CETN3: variants seen among roughly 807,000 people sequenced by gnomAD.
CETN3 encodes the protein centrin 3.
A neutral mutation model predicts 20.1 loss-of-function variants in CETN3; 17 were observed. The ratio of observed to expected loss-of-function variants is 0.85; its 90% CI spans 0.58 to 1.27. CETN3 has a LOEUF of 1.27. CETN3 is among the 50% of genes most tolerant of loss of function. The pLI is 0.00. For synonymous variants in CETN3, 52 were observed against 59.7 expected (o/e 0.87, Z 0.59); for missense variants, 169 against 191.2 (o/e 0.88, Z 0.69).
rs1749050440 is a variant in CETN3 at position 90,392,874 on chromosome 5, C to G, written c.*1190G>C. On this transcript the variant is annotated 3_prime_UTR_variant, in exon 5 of 5. Coordinates refer to ENST00000283122, the MANE Select transcript of CETN3 (RefSeq NM_004365.4). ...TCCCTACTGATTTTGTGTTAAATTT[C>G]TAGTGGACAACCCTTAATGTAATAC... is the stretch of plus-strand genomic sequence containing the variant. 6.6e-6 allele frequency: 1 copy of G among 152,148 alleles called. No individual in the cohort carries two copies. Among genetic ancestry groups the G allele is most frequent in the Non-Finnish European group, 1.5e-5 (1 of 68,040 alleles). The allele number at this position is 152,148 out of a possible 1,614,324, so 9.4% of individuals were successfully genotyped here.
chr5:90,399,359 T>C lies in CETN3; in HGVS notation c.459A>G (p.Glu153=). The C allele has an allele frequency of 3.7e-6, 6 of 1,613,848 alleles. No individual in the cohort carries two copies. The Middle Eastern group carries it at 8.3e-4, about 222-fold the overall frequency. ...IEEFDKDGDG[E]INQEEFIAIM... ...AAATACGTTTCACTTAAAACTTACT[T>C]TCTCCATCACCATCTTTGTCAAATT... Residue 153 remains glutamate (E), a splice_region_variant and synonymous_variant, in exon 4 of 5, where the codon GAA becomes GAG. Transcript: ENST00000283122.
intron 2 of CETN3, 99 bp from the exon 3 acceptor site, chr5:90,405,898 T>C: frequency 1.4e-6 from 1 of 724,432 alleles, no homozygotes; most frequent in Non-Finnish European, 2.3e-6. Context: ...AACACATTAA[T>C]AAAATATAAC....
intron 4 of CETN3, among the ~76,000 whole-genome samples, chr5:90,395,030 G>T (rs1321422326): frequency 6.6e-6 from 1 of 152,068 alleles, no homozygotes; most frequent in Non-Finnish European, 1.5e-5. Flanking sequence ...AATGCCAAAA[G>T]AAAACTACAC....
intron 3 of CETN3, among the ~76,000 whole-genome samples, chr5:90,400,486 T>C (rs1392335088): frequency 1.3e-5 from 2 of 151,766 alleles, no homozygotes; most frequent in Non-Finnish European, 2.9e-5. Flanking sequence ...TAAGTATCTC[T>C]GAAGTAATTA....
intron 3 of CETN3, among the ~76,000 whole-genome samples, chr5:90,403,388 C>A (rs996895618): frequency 1.8e-4 from 28 of 152,134 alleles, no homozygotes; most frequent in Non-Finnish European, 3.2e-4. Flanking sequence ...CCATAGGTAG[C>A]CTTAAGATAG....
At chr5:90,396,513 T>A in intron 4 of CETN3, 1 of 1,533,800 alleles carries the variant, frequency 6.5e-7, no homozygotes, top group Non-Finnish European at 8.7e-7. Context: ...GAACTCCCGA[T>A]TTAGACTGAG....
intron 4 of CETN3, chr5:90,395,831 TA>T: frequency 5.7e-6 from 5 of 874,350 alleles, no homozygotes; most frequent in Non-Finnish European, 6.9e-6. Context: ...ATTAACCAAT[TA>T]AAAAATGTTG....
rs757798897 is a variant in CETN3 at position 90,393,943 on chromosome 5, T to G, written c.*121A>C. 2.9e-6 allele frequency: 2 copies of G among 693,676 alleles called. No individual in the cohort carries two copies. The highest frequency in any genetic ancestry group is 5.1e-6 in the Non-Finnish European group (2 of 393,196). 43.0% of individuals were successfully genotyped at this position (693,676 alleles called of 1,614,324 possible). On this transcript the variant is annotated 3_prime_UTR_variant, in exon 5 of 5. Transcript: ENST00000283122. ...AGTAGTAAAATACAGATATATAAGA[T>G]GCTTATTTTTGGTCCTTTAGGATAA...
At chr5:90,402,778 T>C (rs1749331409) in intron 3 of CETN3, among the ~76,000 whole-genome samples, 1 of 152,190 alleles carries the variant, frequency 6.6e-6, no homozygotes, top group African/African-American at 2.4e-5. Flanking sequence ...CTGACTTCTG[T>C]CCTAGACAAA....
At chr5:90,396,127 T>C (rs1053227204) in intron 4 of CETN3, 1 of 978,590 alleles carries the variant, frequency 1.0e-6, no homozygotes, top group Non-Finnish European at 1.2e-6. Flanking sequence ...GGAAAGGAAG[T>C]AGAAAGAGAG....
intron 1 of CETN3, among the ~76,000 whole-genome samples, chr5:90,408,279 CTGTTGATAGTTCT>C (rs1247586066): frequency 6.6e-6 from 1 of 152,044 alleles, no homozygotes; most frequent in East Asian, 1.9e-4. Flanking sequence ...TATCGGTTTA[CTGTTGATAGTTCT>C]GATAATTATG....
At chr5:90,403,903 A>G (rs905989729) in intron 3 of CETN3, among the ~76,000 whole-genome samples, 1 of 143,434 alleles carries the variant, frequency 7.0e-6, no homozygotes, top group Admixed American at 7.0e-5. Flanking sequence ...AAAAAAAATC[A>G]CAATTTTTAA....
At chr5:90,404,685 T>TA (rs1220086762) in intron 3 of CETN3, among the ~76,000 whole-genome samples, 4 of 152,194 alleles carry the variant, frequency 2.6e-5, no homozygotes, top group Non-Finnish European at 5.9e-5. Context: ...AAAAACTGAC[T>TA]AATGACATGA....
chr5:90,409,680 C>G lies in CETN3; in HGVS notation c.-19G>C. On this transcript the variant is annotated 5_prime_UTR_variant, in exon 1 of 5. Transcript: ENST00000283122. ...AACTCATTATCTCTTCGCACAGAGA[C>G]GTTCCTCTCAAGAACGATTTTAACC... The G allele has an allele frequency of 6.2e-7, 1 of 1,614,160 alleles. No individual in the cohort carries two copies. The highest frequency in any genetic ancestry group is 8.5e-7 in the Non-Finnish European group (1 of 1,180,014).
intron 4 of CETN3, among the ~76,000 whole-genome samples, chr5:90,398,808 T>G (rs1048743453): frequency 6.6e-6 from 1 of 152,148 alleles, no homozygotes; most frequent in Non-Finnish European, 1.5e-5. Context: ...AAGAAGAGAT[T>G]AGAGACTTTT....
At chr5:90,405,456 TG>T (rs1281494812) in intron 3 of CETN3, 2 of 496,380 alleles carry the variant, frequency 4.0e-6, no homozygotes, top group Non-Finnish European at 7.0e-6. Flanking sequence ...AATAGTTCCT[TG>T]GTTAGAATCT....
chr5:90,396,989 T>C (rs1244558612), intron 4 of CETN3, among the ~76,000 whole-genome samples: 1 of 152,130 alleles, frequency 6.6e-6, no homozygotes, highest in African/African-American at 2.4e-5. Flanking sequence ...TTAGGTATTA[T>C]AAGTAATCTA....
At chr5:90,402,101 C>T (rs546761309) in intron 3 of CETN3, among the ~76,000 whole-genome samples, 28 of 152,320 alleles carry the variant, frequency 1.8e-4, no homozygotes, top group Non-Finnish European at 4.1e-4. Context: ...ATCCTCCCGC[C>T]TTGACCTCCC....
intron 3 of CETN3, among the ~76,000 whole-genome samples, chr5:90,401,910 C>T (rs900076260): frequency 2.0e-5 from 3 of 152,122 alleles, no homozygotes; most frequent in Non-Finnish European, 2.9e-5. Context: ...AGTGCAATGG[C>T]GTGATCCCAG....
Sources: allele counts gnomAD v4.1 joint callset (sites outside exome capture counted in the v4.1 genomes callset), GRCh38; gene constraint gnomAD v4.1.1; transcripts MANE v1.5; gene names NCBI Gene and HGNC (gene_info 2026-07-23, HGNC 2026-07-21).